Variants in SACS observed in about 807,000 individuals in gnomAD.
SACS encodes the protein sacsin.
In SACS, 197 loss-of-function variants were observed where a neutral mutation model predicts 348.0. That is an observed-to-expected ratio of 0.57 (90% CI 0.50 to 0.64). The LOEUF (loss-of-function observed/expected upper bound fraction) is 0.64, where lower values mean the gene tolerates loss of function less well. Ranked by LOEUF, SACS falls within the 30% of genes least tolerant of loss-of-function variation. The pLI, the probability that SACS is intolerant of heterozygous loss-of-function variation, is 0.00. For missense variants in SACS, 4,999 were observed against 5,360.8 expected (o/e 0.93, Z 2.11); for synonymous variants, 1,985 against 1,910.6 (o/e 1.04, Z -1.02).
At chr13:23,405,446 T>C (rs1873163789) in intron 2 of SACS, among the ~76,000 whole-genome samples, 1 of 152,080 alleles carries the variant, frequency 6.6e-6, no homozygotes, top group Non-Finnish European at 1.5e-5. Context: ...CCTAAAACCA[T>C]AAAAATCCTA....
Position 23,341,027 on chromosome 13 carries a change from A to G in SACS, c.2849T>C (p.Leu950Ser). ...TGCTGGGAGTTTGGCAGTATGGTGT[A>G]AGACTTTACAACCTTTCAATTTTGT... ...SYTKLKGCKV[L>S]HHTAKLPADL... The change falls in exon 10 of 10, where the codon TTA becomes TCA. Residue 950 changes from leucine (L) to serine (S), a missense_variant. Coordinates refer to ENST00000382292, the MANE Select transcript of SACS (RefSeq NM_014363.6). The G allele has an allele frequency of 1.9e-6, 3 of 1,614,136 alleles. No homozygotes were observed. The highest frequency in any genetic ancestry group is 1.7e-6 in the Non-Finnish European group (2 of 1,179,976).
intron 5 of SACS, among the ~76,000 whole-genome samples, 167 bp from the exon 6 acceptor site, chr13:23,365,444 T>G (rs942923358): frequency 3.3e-5 from 5 of 152,224 alleles, no homozygotes; most frequent in African/African-American, 1.2e-4. Context: ...AAAGTAATTG[T>G]TACATAGATG....
At chr13:23,376,976 G>A (rs536973183) in intron 2 of SACS, among the ~76,000 whole-genome samples, 72 of 152,344 alleles carry the variant, frequency 4.7e-4, no homozygotes, top group African/African-American at 1.7e-3. Context: ...ATTTGATGGA[G>A]TAGTGAATCA....
Position 23,329,280 on chromosome 13 carries a change from G to T in SACS, c.*856C>A. 1.8e-6 allele frequency: 1 copy of T among 563,936 alleles called. No homozygotes were observed. 34.9% of individuals were successfully genotyped at this position (563,936 alleles called of 1,614,324 possible). ...TTTTTTTTTAACTGCAGCACCTTTA[G>T]ACAACAAAAGATTGCATCCTGTTCA... On this transcript the variant is annotated 3_prime_UTR_variant, in exon 10 of 10. Coordinates refer to ENST00000382292, the MANE Select transcript of SACS (RefSeq NM_014363.6).
In SACS at chr13:23,355,875, T is replaced by A. The variant is rs1371958345; in HGVS notation, c.737A>T (p.Gln246Leu). The change falls in exon 8 of 10, where the codon CAG (glutamine) becomes CTG (leucine). Residue 246 changes from glutamine (Q) to leucine (L), a missense_variant. This residue lies in a region of SACS where 3,156 missense variants were observed against 3,380.1 expected (regional missense o/e 0.93). Transcript: ENST00000382292. ...DSKEISELSD[Q>L]FAPFVGIFGS... The stretch of plus-strand genomic sequence containing the variant: ...AAAAATGCCAACAAATGGTGCAAAC[T>A]GGTCTGAAAGTTCACTAATTTCTTT... The A allele has an allele frequency of 1.2e-5, 19 of 1,614,208 alleles. No individual in the cohort carries two copies. Among genetic ancestry groups the A allele is most frequent in the Non-Finnish European group, 1.6e-5 (19 of 1,180,026 alleles).
chr13:23,378,538 T>C (rs914119941), intron 2 of SACS, among the ~76,000 whole-genome samples: 1 of 152,168 alleles, frequency 6.6e-6, no homozygotes, highest in Admixed American at 6.5e-5. Flanking sequence ...CATCCTGGGT[T>C]CAAGCAATTC....
intron 1 of SACS, among the ~76,000 whole-genome samples, chr13:23,424,286 G>A (rs184833301): frequency 1.4e-4 from 22 of 152,356 alleles, no homozygotes; most frequent in Admixed American, 6.5e-4. Flanking sequence ...AGAACTTTGG[G>A]AGGCCAAAGC....
chr13:23,426,125 C>T (rs1427250315), intron 1 of SACS, among the ~76,000 whole-genome samples: 1 of 152,280 alleles, frequency 6.6e-6, no homozygotes, highest in South Asian at 2.1e-4. Context: ...GCTCCCAGCT[C>T]TTACTTATTC....
chr13:23,358,318 A>G lies in SACS; in HGVS notation c.604+17T>C. ...TAATATTTTCTAATACCAAGACCGA[A>G]AAGCCTAATACTCTACCTGTTATAT... On this transcript the variant is annotated intron_variant, in intron 7 of 9. Transcript: ENST00000382292. 6.2e-7 allele frequency: 1 copy of G among 1,612,510 alleles called. No homozygotes were observed. The highest frequency in any genetic ancestry group is 8.5e-7 in the Non-Finnish European group (1 of 1,178,514).
Position 23,331,099 on chromosome 13 carries a change from A to T in SACS, c.12777T>A (p.Pro4259=). Residue 4259 remains proline (P), a synonymous_variant, in exon 10 of 10, where the codon CCT becomes CCA. Coordinates refer to ENST00000382292, the MANE Select transcript of SACS (RefSeq NM_014363.6). ...ACTCAGTGGGGCTGGTTGGTGTAGA[A>T]GGAGCACTGTCCCTGCTTTGAGAGC... ...EESSQSRDSA[P]STPTSPTEFL... 1 of 1,614,098 alleles carries T rather than the reference A, an allele frequency of 6.2e-7. No individual in the cohort carries two copies. The highest frequency in any genetic ancestry group is 8.5e-7 in the Non-Finnish European group (1 of 1,179,998).
chr13:23,407,638 T>C (rs1206696413), intron 2 of SACS, among the ~76,000 whole-genome samples: 1 of 152,158 alleles, frequency 6.6e-6, no homozygotes, highest in East Asian at 1.9e-4. Context: ...ACTTAGATGG[T>C]TCAGACAGAA....
chr13:23,386,452 C>T lies in SACS; in HGVS notation c.21-11183G>A, dbSNP rs556855817. ...ATTCTTCTGCAGCTTCCTCACCTTT[C>T]TCAGCTTTCACAGATTTGGAGAGAG... On this transcript the variant is annotated intron_variant, in intron 2 of 9. Coordinates refer to ENST00000382292, the MANE Select transcript of SACS (RefSeq NM_014363.6). Among the ~76,000 whole-genome samples, 36 of 152,346 alleles carry T rather than the reference C, an allele frequency of 2.4e-4. No individual in the cohort carries two copies. The South Asian group carries it at 5.0e-3, about 21-fold the overall frequency.
chr13:23,334,668 C>T lies in SACS; in HGVS notation c.9208G>A (p.Val3070Ile), dbSNP rs1566061633. 6.2e-7 allele frequency: 1 copy of T among 1,613,672 alleles called. No individual in the cohort carries two copies. Among genetic ancestry groups the T allele is most frequent in the Non-Finnish European group, 8.5e-7 (1 of 1,179,734 alleles). ...TTAGCAGTTTCATCACAGTTATAAA[C>T]CAAGTTGAAACCAATTTCTAAAAGG... ...HLLLEIGFNL[V>I]YNCDETANLY... The change falls in exon 10 of 10, where the codon GTT becomes ATT. Residue 3070 changes from valine to isoleucine, a missense_variant. Val to Ile is a conservative substitution (Grantham distance 29). This residue lies in a region of SACS where 734 missense variants were observed against 694.0 expected (regional missense o/e 1.06). Coordinates refer to ENST00000382292, the MANE Select transcript of SACS (RefSeq NM_014363.6).
At chr13:23,343,752 G>T (rs1869423664) in intron 9 of SACS, among the ~76,000 whole-genome samples, 2 of 152,294 alleles carry the variant, frequency 1.3e-5, no homozygotes, top group Admixed American at 1.3e-4. Flanking sequence ...TCAGGCTCTG[G>T]AAACTTTTGC....
intron 9 of SACS, 141 bp downstream of exon 9, chr13:23,353,644 A>C: frequency 1.6e-6 from 1 of 606,318 alleles, no homozygotes; most frequent in African/African-American, 1.9e-5. Context: ...GGCAACTGAA[A>C]TATCTTAAAA....
intron 1 of SACS, among the ~76,000 whole-genome samples, chr13:23,429,425 C>T (rs1286001540): frequency 8.1e-6 from 1 of 123,598 alleles, no homozygotes; most frequent in Admixed American, 1.1e-4. Flanking sequence ...TGCAGTGGTG[C>T]GATATCGGCT....
chr13:23,359,239 G>A (rs1406541352), intron 6 of SACS, among the ~76,000 whole-genome samples: 1 of 152,062 alleles, frequency 6.6e-6, no homozygotes, highest in Non-Finnish European at 1.5e-5. Flanking sequence ...GAAACTATGT[G>A]AGATGATATG....
In SACS at chr13:23,409,353, CGT is replaced by C. The variant is rs1491112392; in HGVS notation, c.20+1865_20+1866del. ...TACAGGGGTGAGCCACCGCGCTGGC[CGT>C]TTTTTTTTTTTTTTTTTTTAAACAT... is the stretch of plus-strand genomic sequence containing the variant. On this transcript the variant is annotated intron_variant, in intron 2 of 9. Transcript: ENST00000382292. Among the ~76,000 whole-genome samples, 7 of 129,636 alleles carry C rather than the reference CGT, an allele frequency of 5.4e-5. No individual in the cohort carries two copies. In the East Asian group the frequency reaches 1.6e-3, roughly 30 times the overall value. 85.0% of individuals were successfully genotyped at this position (129,636 alleles called of 152,430 possible).
chr13:23,388,477 T>TGG (rs1405364578), intron 2 of SACS, among the ~76,000 whole-genome samples: 7 of 115,222 alleles, frequency 6.1e-5, no homozygotes, highest in Non-Finnish European at 1.2e-4. Flanking sequence ...TATAAAAATA[T>TGG]GGTGTGTGTG....
Sources: gnomAD v4.1 joint callset for allele counts (sites outside exome capture counted in the v4.1 genomes callset) on GRCh38, gnomAD v4.1.1 for gene constraint, gnomAD v4.1.1 regional missense constraint, MANE v1.5 for transcripts, NCBI Gene and HGNC (gene_info 2026-07-23, HGNC 2026-07-21) for gene names.